Variants in UMAD1 observed in about 807,000 individuals in gnomAD.
UMAD1 encodes UBAP1-MVB12-associated (UMA) domain containing 1.
A neutral mutation model predicts 6.1 loss-of-function variants in UMAD1; 8 were observed. The ratio of observed to expected loss-of-function variants is 1.30; its 90% confidence interval spans 0.76 to 2.35. The LOEUF is 2.35. Ranked by LOEUF, UMAD1 falls within the 30% of genes most tolerant of loss-of-function variation. The pLI is 0.00. For synonymous variants in UMAD1, 56 were observed against 31.4 expected, an observed-to-expected ratio of 1.78 and a Z score of -2.61; for missense variants, 130 against 78.4, an observed-to-expected ratio of 1.66 and a Z score of -2.49.
chr7:7,840,550 G>A (rs1015705896), intron 3 of UMAD1, among the ~76,000 whole-genome samples: 1 of 122,304 alleles, frequency 8.2e-6, no homozygotes, highest in African/African-American at 3.0e-5. Context: ...GTTGTAGACT[G>A]GGGGACTATG....
intron 2 of UMAD1, among the ~76,000 whole-genome samples, chr7:7,737,500 T>C (rs763902977): frequency 3.3e-5 from 5 of 152,210 alleles, no homozygotes; most frequent in Non-Finnish European, 5.9e-5. Flanking sequence ...TTTAGTCATG[T>C]TGTAGGATTA....
At chr7:7,691,399 G>C (rs1025845130) in intron 2 of UMAD1, among the ~76,000 whole-genome samples, 1 of 152,070 alleles carries the variant, frequency 6.6e-6, no homozygotes. Context: ...TTTAAACTTA[G>C]AATTACTAAA....
chr7:7,793,102 C>G (rs7785423), intron 2 of UMAD1, among the ~76,000 whole-genome samples: 3 of 152,206 alleles, frequency 2.0e-5, no homozygotes, highest in Non-Finnish European at 4.4e-5. Context: ...AATTGCTACA[C>G]GCAAAGACAG....
At chr7:7,740,309 C>A (rs148381102) in intron 2 of UMAD1, among the ~76,000 whole-genome samples, 1 of 152,094 alleles carries the variant, frequency 6.6e-6, no homozygotes, top group Admixed American at 6.5e-5. Context: ...TGAGCAATCA[C>A]GTCTATCCTT....
At chr7:7,866,706 A>G (rs993127968) in intron 3 of UMAD1, among the ~76,000 whole-genome samples, 1 of 152,208 alleles carries the variant, frequency 6.6e-6, no homozygotes, top group Admixed American at 6.5e-5. Flanking sequence ...TAGGAATAAG[A>G]GTACAAGAAA....
intron 2 of UMAD1, among the ~76,000 whole-genome samples, chr7:7,720,781 C>A (rs138792398): frequency 6.6e-6 from 1 of 152,224 alleles, no homozygotes; most frequent in African/African-American, 2.4e-5. Flanking sequence ...GGTGTGCTGC[C>A]TTCTAGTAAT....
chr7:7,803,517 G>A (rs114902715), intron 3 of UMAD1, among the ~76,000 whole-genome samples: 397 of 152,306 alleles, frequency 2.6e-3, no homozygotes, highest in African/African-American at 8.9e-3. Flanking sequence ...TAACCACCAG[G>A]ATGGTTCAAA....
chr7:7,685,134 A>T (rs1219345501), intron 2 of UMAD1, among the ~76,000 whole-genome samples: 3 of 152,288 alleles, frequency 2.0e-5, no homozygotes, highest in African/African-American at 7.2e-5. Context: ...TGAATATTCT[A>T]CCTTGTATGA....
intron 2 of UMAD1, among the ~76,000 whole-genome samples, chr7:7,775,052 G>C (rs1442537300): frequency 6.6e-6 from 1 of 151,992 alleles, no homozygotes; most frequent in African/African-American, 2.4e-5. Flanking sequence ...CCCTCTTTAA[G>C]TTCACTGTCA....
At chr7:7,686,481 G>A (rs887172469) in intron 2 of UMAD1, among the ~76,000 whole-genome samples, 3 of 152,040 alleles carry the variant, frequency 2.0e-5, no homozygotes, top group African/African-American at 7.3e-5. Context: ...TATAGTTTCA[G>A]CAAGATTGAG....
chr7:7,703,998 G>T (rs1049862295), intron 2 of UMAD1, among the ~76,000 whole-genome samples: 7 of 152,018 alleles, frequency 4.6e-5, no homozygotes, highest in African/African-American at 1.7e-4. Flanking sequence ...GGAAAGAAAA[G>T]AAAAGAAACA....
chr7:7,654,586 C>G (rs1271411462), intron 1 of UMAD1, among the ~76,000 whole-genome samples: 7 of 152,118 alleles, frequency 4.6e-5, no homozygotes, highest in Non-Finnish European at 7.4e-5. Context: ...CTTAGAATAT[C>G]TAACTCTGTG....
At chr7:7,740,524 G>T (rs1781441512) in intron 2 of UMAD1, among the ~76,000 whole-genome samples, 1 of 152,150 alleles carries the variant, frequency 6.6e-6, no homozygotes, top group Non-Finnish European at 1.5e-5. Context: ...ATTATTTCAA[G>T]TATAAGTTGG....
rs71014711 is a variant in UMAD1, at chr7:7,767,128, C to CTTTTTTTTTTTTTTTTTTTTTTTTT, written c.83-34528_83-34527insTTTTTTTTTTTTTTTTTTTTTTTTT. ...AGTGAGCATTTCAAGAAATTAAGCTCTTTTTTTTTTTTTTGAGACGGACTC... is the reference window on the plus strand; with the variant it reads ...AGTGAGCATTTCAAGAAATTAAGCTCTTTTTTTTTTTTTTTTTTTTTTTTTTTTTTTTTTTTTTTGAGACGGACTC... On this transcript the variant is annotated intron_variant, in intron 2 of 3. Transcript: ENST00000682710. Among the ~76,000 whole-genome samples, 67 of 129,794 alleles carry CTTTTTTTTTTTTTTTTTTTTTTTTT rather than the reference C, an allele frequency of 5.2e-4. 6 individuals are homozygous for CTTTTTTTTTTTTTTTTTTTTTTTTT. Among genetic ancestry groups the CTTTTTTTTTTTTTTTTTTTTTTTTT allele is most frequent in the South Asian group, 1.1e-3 (4 of 3,770 alleles). 85.1% of individuals were successfully genotyped at this position (129,794 alleles called of 152,430 possible).
At chr7:7,731,491 C>CCCAA (rs1554321024) in intron 2 of UMAD1, among the ~76,000 whole-genome samples, 6,224 of 133,624 alleles carry the variant, frequency 0.047, 289 homozygotes, top group East Asian at 0.073. Context: ...AACCCCCCCC[C>CCCAA]AAAAAAAAAA....
At chr7:7,867,683 C>G (rs1784258485) in intron 3 of UMAD1, among the ~76,000 whole-genome samples, 1 of 151,996 alleles carries the variant, frequency 6.6e-6, no homozygotes, top group Non-Finnish European at 1.5e-5. Flanking sequence ...GGAGGCATGG[C>G]AGACAGTGTG....
chr7:7,845,462 T>C (rs543736620), intron 3 of UMAD1, among the ~76,000 whole-genome samples: 41 of 152,246 alleles, frequency 2.7e-4, no homozygotes, highest in African/African-American at 9.4e-4. Flanking sequence ...TTTAGTATAG[T>C]AGTAAAGCTT....
At chr7:7,847,868 A>T (rs1371574360) in intron 3 of UMAD1, among the ~76,000 whole-genome samples, 1 of 152,038 alleles carries the variant, frequency 6.6e-6, no homozygotes, top group African/African-American at 2.4e-5. Flanking sequence ...AACTGCAAAA[A>T]CCGAAACCAT....
chr7:7,816,898 C>T (rs1041568730), intron 3 of UMAD1, among the ~76,000 whole-genome samples: 5 of 152,194 alleles, frequency 3.3e-5, no homozygotes, highest in African/African-American at 1.2e-4. Context: ...TCAATCCATT[C>T]ACCCACAAAT....
Sources: gnomAD v4.1 joint callset for allele counts (sites outside exome capture counted in the v4.1 genomes callset) on GRCh38, gnomAD v4.1.1 for gene constraint, MANE v1.5 for transcripts, NCBI Gene and HGNC (gene_info 2026-07-23, HGNC 2026-07-21) for gene names.